The following C12orf56 variants were observed in gnomAD, a reference collection of about 807,000 sequenced individuals.
The protein encoded by C12orf56 is uncharacterized protein C12orf56.
C12orf56 carries 71 observed loss-of-function variants against 69.9 expected under a neutral mutation model. That is an observed-to-expected ratio of 1.02 (90% CI 0.84 to 1.24). The LOEUF (loss-of-function observed/expected upper bound fraction) is 1.24. Ranked by LOEUF, C12orf56 falls within the 50% of genes most tolerant of loss-of-function variation. The pLI is 0.00. For missense variants in C12orf56, 732 were observed against 738.5 expected (o/e 0.99, Z 0.10); for synonymous variants, 276 against 274.1 (o/e 1.01, Z -0.07).
In C12orf56 at chr12:64,267,190, A is replaced by G. The variant is rs150072238; in HGVS notation, c.1862T>C (p.Val621Ala). Residue 621 changes from valine to alanine, a missense_variant, in exon 13 of 13, where the codon GTT (valine) becomes GCT (alanine). Physicochemically the swap from Val to Ala is moderately conservative, Grantham distance 64 (BLOSUM62 0). Coordinates refer to ENST00000543942, the MANE Select transcript of C12orf56 (RefSeq NM_001170633.2). The stretch of plus-strand genomic sequence containing the variant: ...TGCGTACATTGTTTGTTTCTATTCA[A>G]CCAATTTCAGAACTTCATGAAAAAG... ...IQLFHEVLKL[V>A]E 3.2e-4 allele frequency: 513 copies of G among 1,601,778 alleles called. 4 individuals are homozygous for G. The African/African-American group carries it at 5.7e-3, about 18-fold the overall frequency.
intron 2 of C12orf56, among the ~76,000 whole-genome samples, chr12:64,332,703 G>C (rs1168287965): frequency 6.6e-6 from 1 of 152,206 alleles, no homozygotes. Flanking sequence ...TGGGTCTAGA[G>C]GTGGACTGCT....
At chr12:64,274,149 A>C (rs2038023052) in intron 11 of C12orf56, among the ~76,000 whole-genome samples, 1 of 149,076 alleles carries the variant, frequency 6.7e-6, no homozygotes, top group African/African-American at 2.5e-5. Context: ...GGCCTGAGGG[A>C]TGAGTAGAAG....
chr12:64,297,865 T>C (rs1289747493), intron 6 of C12orf56, among the ~76,000 whole-genome samples: 1 of 152,242 alleles, frequency 6.6e-6, no homozygotes, highest in Non-Finnish European at 1.5e-5. Flanking sequence ...TGTGTCTTTA[T>C]AGCAACGTGA....
Position 64,348,290 on chromosome 12 carries a change from G to T in C12orf56, c.415+4604C>A, listed in dbSNP as rs527611244. ...AAGACTCCATATGAAAAAAAAGCAG[G>T]GGTAGGGGGGTATTATATGGTTTTT... is the stretch of plus-strand genomic sequence containing the variant. On this transcript the variant is annotated intron_variant, in intron 2 of 12. Transcript: ENST00000543942. Among the ~76,000 whole-genome samples the T allele has an allele frequency of 2.0e-5, 3 of 152,088 alleles. No individual in the cohort carries two copies. In the South Asian group the frequency reaches 6.2e-4, roughly 32 times the overall value.
intron 5 of C12orf56, among the ~76,000 whole-genome samples, chr12:64,310,712 CTTCT>C (rs1383706654): frequency 3.8e-5 from 5 of 132,246 alleles, no homozygotes; most frequent in South Asian, 2.5e-4. Flanking sequence ...TTTTTTTCTT[CTTCT>C]TTCTTTATTT....
At chr12:64,329,073 A>G (rs1338470434) in intron 3 of C12orf56, among the ~76,000 whole-genome samples, 1 of 152,176 alleles carries the variant, frequency 6.6e-6, no homozygotes, top group African/African-American at 2.4e-5. Context: ...TCAAAAAAAA[A>G]AAAGAAACTC....
At chr12:64,312,840 C>A in intron 4 of C12orf56, 88 bp from the exon 5 acceptor site, 1 of 912,368 alleles carries the variant, frequency 1.1e-6, no homozygotes, top group South Asian at 1.5e-5. Flanking sequence ...TGTATCTATT[C>A]TTTAAGCCCT....
At chr12:64,273,332 T>C (rs2038014449) in intron 11 of C12orf56, among the ~76,000 whole-genome samples, 2 of 151,036 alleles carry the variant, frequency 1.3e-5, no homozygotes, top group East Asian at 3.9e-4. Context: ...ACATATTACC[T>C]CGTGTCCATC....
chr12:64,272,754 T>C (rs191738633), intron 11 of C12orf56, among the ~76,000 whole-genome samples: 278 of 152,260 alleles, frequency 1.8e-3, no homozygotes, highest in Middle Eastern at 3.4e-3. Flanking sequence ...CTTTCAAACA[T>C]TCTGTGAAAT....
chr12:64,310,679 T>C (rs903528189), intron 5 of C12orf56, among the ~76,000 whole-genome samples: 3 of 152,036 alleles, frequency 2.0e-5, no homozygotes, highest in African/African-American at 7.2e-5. Context: ...ATATTCATTA[T>C]GTTTCAGTCA....
chr12:64,339,414 G>A (rs1256495594), intron 2 of C12orf56, among the ~76,000 whole-genome samples: 7 of 152,120 alleles, frequency 4.6e-5, no homozygotes, highest in African/African-American at 7.2e-5. Flanking sequence ...TAGCCAAGTG[G>A]AAGAGATGTA....
At chr12:64,379,065 A>G (rs1353842324) in intron 1 of C12orf56, among the ~76,000 whole-genome samples, 5 of 151,848 alleles carry the variant, frequency 3.3e-5, no homozygotes. Flanking sequence ...AAAAAAAAAA[A>G]AAGTGAACAG....
Position 64,275,220 on chromosome 12 carries a change from CATATATCATA to C in C12orf56, c.1509+68_1509+77del, listed in dbSNP as rs1042345544. The stretch of plus-strand genomic sequence containing the variant: ...TCATATAACATAATCACATAATATA[CATATATCATA>C]ATATATAATAGTCATGTAATTTATA... On this transcript the variant is annotated intron_variant, in intron 10 of 12. Coordinates refer to ENST00000543942, the MANE Select transcript of C12orf56 (RefSeq NM_001170633.2). 3.1e-4 allele frequency: 214 copies of C among 685,748 alleles called. 1 individual carries two copies. The highest frequency in any genetic ancestry group is 2.7e-3 in the African/African-American group (121 of 44,732). The allele number at this position is 685,748 out of a possible 1,614,324, so 42.5% of individuals were successfully genotyped here.
At chr12:64,292,932 C>T (rs1297453498) in intron 6 of C12orf56, among the ~76,000 whole-genome samples, 5 of 144,510 alleles carry the variant, frequency 3.5e-5, no homozygotes, top group Non-Finnish European at 7.7e-5. Flanking sequence ...TGGGCAATGG[C>T]GGGCGCCCCT....
rs2038746644 is a variant in C12orf56, at chr12:64,319,782, T to G, written c.489-802A>C. ...AAGAAATAGCCAGTCATCTATCGCC[T>G]GAGAGCACAGTGGGAGGGACAATGA... On this transcript the variant is annotated intron_variant, in intron 3 of 12. Coordinates refer to ENST00000543942, the MANE Select transcript of C12orf56 (RefSeq NM_001170633.2). 2.6e-5 allele frequency among the ~76,000 whole-genome samples: 4 copies of G among 152,208 alleles called. 1 individual carries two copies. Among genetic ancestry groups the G allele is most frequent in the Admixed American group, 2.6e-4 (4 of 15,280 alleles).
At chr12:64,313,959 C>T (rs1447676617) in intron 4 of C12orf56, among the ~76,000 whole-genome samples, 1 of 146,556 alleles carries the variant, frequency 6.8e-6, no homozygotes, top group Non-Finnish European at 1.5e-5. Flanking sequence ...AGGAGAATCG[C>T]TTGAACCTGG....
rs536498870 is a variant in C12orf56 at position 64,282,126 on chromosome 12, C to T, written c.1310+2538G>A. Among the ~76,000 whole-genome samples, 12 of 152,218 alleles carry T rather than the reference C, an allele frequency of 7.9e-5. No individual in the cohort carries two copies. In the East Asian group the frequency reaches 2.3e-3, roughly 29 times the overall value. ...ATCTCAGCACTTTGGGAGGCCAAGGCGGGAAGATCACTTAAGTCCAGGAGT... is the reference window on the plus strand; with the variant it reads ...ATCTCAGCACTTTGGGAGGCCAAGGTGGGAAGATCACTTAAGTCCAGGAGT... On this transcript the variant is annotated intron_variant, in intron 8 of 12. Coordinates refer to ENST00000543942, the MANE Select transcript of C12orf56 (RefSeq NM_001170633.2).
chr12:64,285,949 C>A lies in C12orf56; in HGVS notation c.1220+5G>T. The A allele has an allele frequency of 6.4e-7, 1 of 1,562,324 alleles. No homozygotes were observed. Among genetic ancestry groups the A allele is most frequent in the Admixed American group, 1.8e-5 (1 of 55,348 alleles). On this transcript the variant is annotated splice_donor_5th_base_variant and intron_variant, in intron 7 of 12. Coordinates refer to ENST00000543942, the MANE Select transcript of C12orf56 (RefSeq NM_001170633.2). The stretch of plus-strand genomic sequence containing the variant: ...AAAATCGATGATTATCTAGTTAGTA[C>A]TTACACCAGCTCATCAACCCTTTGG...
intron 6 of C12orf56, among the ~76,000 whole-genome samples, chr12:64,302,784 T>C (rs1021857893): frequency 6.6e-6 from 1 of 152,180 alleles, no homozygotes; most frequent in Non-Finnish European, 1.5e-5. Context: ...ACCAGTCTTA[T>C]ACTCAAAAAT....
Sources: gnomAD v4.1 joint callset for allele counts (sites outside exome capture counted in the v4.1 genomes callset) on GRCh38, gnomAD v4.1.1 for gene constraint, MANE v1.5 for transcripts, NCBI Gene and HGNC (gene_info 2026-07-23, HGNC 2026-07-21) for gene names.